SVEP1: variants seen among roughly 807,000 people sequenced by gnomAD.
SVEP1 encodes sushi, von Willebrand factor type A, EGF and pentraxin domain containing 1.
In SVEP1, 164 loss-of-function variants were observed where a neutral mutation model predicts 367.3. The observed-to-expected ratio is 0.45, with a 90% confidence interval of 0.39 to 0.51. The LOEUF is 0.51. Among genes scored for constraint, SVEP1 ranks in the 20% least tolerant of loss-of-function variants. The pLI is 0.00. For missense variants in SVEP1, 4,117 were observed against 4,425.3 expected (o/e 0.93, Z 1.98); for synonymous variants, 1,666 against 1,611.6 (o/e 1.03, Z -0.81).
At chr9:110,375,490 A>AAT in intron 45 of SVEP1, 27 bp from the exon 46 acceptor site, 5 of 1,338,832 alleles carry the variant, frequency 3.7e-6, no homozygotes, top group Non-Finnish European at 4.1e-6. Context: ...AAAAAAAAAA[A>AAT]GGAGGCAGGG....
chr9:110,561,057 C>T (rs1712396463), intron 1 of SVEP1, among the ~76,000 whole-genome samples: 1 of 152,018 alleles, frequency 6.6e-6, no homozygotes, highest in Admixed American at 6.6e-5. Flanking sequence ...ATAATGCTTC[C>T]AACCACAACC....
At chr9:110,482,934 T>C (rs945689994) in intron 10 of SVEP1, among the ~76,000 whole-genome samples, 1 of 152,216 alleles carries the variant, frequency 6.6e-6, no homozygotes, top group Non-Finnish European at 1.5e-5. Context: ...AAATAAAAGA[T>C]TTAATTTTAT....
chr9:110,506,075 T>C (rs1829622656), intron 5 of SVEP1, among the ~76,000 whole-genome samples: 2 of 152,200 alleles, frequency 1.3e-5, no homozygotes, highest in African/African-American at 2.4e-5. Flanking sequence ...AGTGTTTGGT[T>C]TTCTGTTCTT....
intron 18 of SVEP1, among the ~76,000 whole-genome samples, chr9:110,462,725 C>CAGAG (rs147630659): frequency 2.3e-4 from 35 of 149,642 alleles, no homozygotes; most frequent in African/African-American, 8.6e-4. Context: ...GACAGAGAGA[C>CAGAG]AGAGAGAGAG....
At chr9:110,449,690 T>C (rs1217625598) in intron 24 of SVEP1, among the ~76,000 whole-genome samples, 3 of 151,892 alleles carry the variant, frequency 2.0e-5, no homozygotes, top group Non-Finnish European at 2.9e-5. Flanking sequence ...TCTCAGAAAA[T>C]AAAAAAATAA....
intron 40 of SVEP1, among the ~76,000 whole-genome samples, chr9:110,396,762 C>T (rs1016046309): frequency 7.2e-5 from 11 of 151,806 alleles, no homozygotes; most frequent in Non-Finnish European, 1.5e-4. Context: ...ATAAATTCCT[C>T]GACACATACA....
intron 47 of SVEP1, among the ~76,000 whole-genome samples, chr9:110,367,528 A>G (rs1364083291): frequency 6.6e-6 from 1 of 152,050 alleles, no homozygotes; most frequent in Non-Finnish European, 1.5e-5. Context: ...ATACGGTAAC[A>G]TTTATTGTTT....
At chr9:110,399,822 C>T (rs1013351897) in intron 40 of SVEP1, among the ~76,000 whole-genome samples, 9 of 152,208 alleles carry the variant, frequency 5.9e-5, no homozygotes, top group South Asian at 2.1e-4. Flanking sequence ...GTGTGAGTCA[C>T]GACACCCAGC....
At chr9:110,427,823 G>A (rs1277254060) in intron 35 of SVEP1, 65 bp from the exon 36 acceptor site, 5 of 1,517,428 alleles carry the variant, frequency 3.3e-6, no homozygotes, top group Non-Finnish European at 1.8e-6. Flanking sequence ...GATAAAACAG[G>A]AAGAACTCTG....
Position 110,469,087 on chromosome 9 carries a change from C to G in SVEP1, c.3013G>C (p.Gly1005Arg), listed in dbSNP as rs1016946850. ...RGRMCVNCPL[G>R]TYYNLEHFTC... ...AAATGTTCCAGATTATAATAGGTTC[C>G]CAAAGGGCAATTGACTACAGAAAAA... is the stretch of plus-strand genomic sequence containing the variant. Residue 1005 changes from glycine to arginine, a missense_variant, in exon 17 of 48, where the codon GGA (glycine) becomes CGA (arginine). Transcript: ENST00000374469. 1 of 1,611,826 alleles carries G rather than the reference C, an allele frequency of 6.2e-7. No homozygotes were observed. Among genetic ancestry groups the G allele is most frequent in the Non-Finnish European group, 8.5e-7 (1 of 1,178,748 alleles).
At chr9:110,480,162 A>G (rs1043426563) in intron 12 of SVEP1, among the ~76,000 whole-genome samples, 4 of 152,196 alleles carry the variant, frequency 2.6e-5, no homozygotes, top group African/African-American at 7.2e-5. Context: ...ACATTTCTAA[A>G]TATTATTTTT....
chr9:110,552,024 C>CTTTTT (rs34366561), intron 1 of SVEP1, among the ~76,000 whole-genome samples: 42 of 77,024 alleles, frequency 5.5e-4, no homozygotes, highest in Non-Finnish European at 7.6e-4. Context: ...GGTACCCAAC[C>CTTTTT]TTTTTTTTTT....
intron 3 of SVEP1, among the ~76,000 whole-genome samples, chr9:110,537,260 A>C (rs77687758): frequency 0.047 from 7,156 of 152,082 alleles, 188 homozygotes; most frequent in African/African-American, 0.07. Context: ...TGAAAAAAGG[A>C]AATAAAATTG....
chr9:110,423,482 G>A (rs573133726), intron 36 of SVEP1, among the ~76,000 whole-genome samples: 6 of 152,030 alleles, frequency 3.9e-5, no homozygotes, highest in African/African-American at 1.4e-4. Context: ...GAAGTAAAAA[G>A]GTACATAGTG....
intron 14 of SVEP1, among the ~76,000 whole-genome samples, chr9:110,474,400 G>C (rs1240933727): frequency 6.6e-6 from 1 of 152,152 alleles, no homozygotes; most frequent in Non-Finnish European, 1.5e-5. Flanking sequence ...CCAAGGCATG[G>C]TTATAAATGT....
intron 3 of SVEP1, among the ~76,000 whole-genome samples, chr9:110,545,750 T>C (rs1158621042): frequency 6.6e-6 from 1 of 152,156 alleles, no homozygotes; most frequent in Non-Finnish European, 1.5e-5. Context: ...CAAGGGGCCT[T>C]ACAAGCTTCC....
intron 3 of SVEP1, among the ~76,000 whole-genome samples, chr9:110,517,879 T>C (rs1010028967): frequency 2.0e-5 from 3 of 150,790 alleles, no homozygotes; most frequent in Non-Finnish European, 4.4e-5. Flanking sequence ...GTGGAACATA[T>C]AGTAAATTGC....
At chr9:110,535,634 C>T (rs1369065156) in intron 3 of SVEP1, among the ~76,000 whole-genome samples, 1 of 152,000 alleles carries the variant, frequency 6.6e-6, no homozygotes, top group Non-Finnish European at 1.5e-5. Context: ...TTCTTCCTAC[C>T]CATGAGCATG....
rs866683992 is a variant in SVEP1 at position 110,476,271 on chromosome 9, C to T, written c.2532G>A (p.Leu844=). 2 of 1,613,598 alleles carry T rather than the reference C, an allele frequency of 1.2e-6. No individual in the cohort carries two copies. Among genetic ancestry groups the T allele is most frequent in the Middle Eastern group, 3.3e-4 (2 of 6,058 alleles). ...AATATTTTTTGGTCAGGTTCTCCTC[C>T]AGTCTGCAGTCAATGTCCTCTGCAT... ...CSDAEDIDCR[L]EENLTKKYCL... The change falls in exon 14 of 48, where the codon CTG becomes CTA. Residue 844 remains leucine (L), a synonymous_variant. Transcript: ENST00000374469.
Sources: allele counts gnomAD v4.1 joint callset (sites outside exome capture counted in the v4.1 genomes callset), GRCh38; gene constraint gnomAD v4.1.1; transcripts MANE v1.5; gene names NCBI Gene and HGNC (gene_info 2026-07-23, HGNC 2026-07-21).